The following CNTRL variants were observed in gnomAD, a reference collection of about 807,000 sequenced individuals.
The protein encoded by CNTRL is centriolin, also known as 110 kDa centrosomal protein.
In CNTRL, 233 loss-of-function variants were observed where a neutral mutation model predicts 303.7. That is an observed-to-expected ratio of 0.77 (90% CI 0.69 to 0.86). The LOEUF (loss-of-function observed/expected upper bound fraction) is 0.86, where lower values mean the gene tolerates loss of function less well. CNTRL is among the 40% of genes least tolerant of loss of function. The probability of loss-of-function intolerance (pLI) is 0.00; values close to 1 mark genes in which losing one functional copy is unlikely to be tolerated. For missense variants in CNTRL, 2,524 were observed against 2,650.6 expected (o/e 0.95, Z 1.05); for synonymous variants, 900 against 922.2 (o/e 0.98, Z 0.44).
rs1209380532 is a variant in CNTRL at position 121,092,961 on chromosome 9, G to A, written c.349-1927G>A. 2.7e-5 allele frequency among the ~76,000 whole-genome samples: 4 copies of A among 148,752 alleles called. No individual in the cohort carries two copies. In the South Asian group the frequency reaches 8.4e-4, roughly 31 times the overall value. ...AGCTGGGATTACAGGCACGTGCTAC[G>A]ACGCCCAGCTAATTTTTTTTTATCT... On this transcript the variant is annotated intron_variant, in intron 4 of 43. Coordinates refer to ENST00000373855, the MANE Select transcript of CNTRL (RefSeq NM_007018.6).
In CNTRL at chr9:121,158,851, A is replaced by G. The variant is rs894159719; in HGVS notation, c.4765-4A>G. On this transcript the variant is annotated splice_region_variant and splice_polypyrimidine_tract_variant and intron_variant, in intron 30 of 43. Transcript: ENST00000373855. Reference sequence around the variant, plus strand: ...AACTTACTCTTCCCTTTTCTTTAATACAGGTGACAAGTCAGCAGCAGGAGA... The same window carrying G: ...AACTTACTCTTCCCTTTTCTTTAATGCAGGTGACAAGTCAGCAGCAGGAGA... 1.5e-5 allele frequency: 25 copies of G among 1,613,604 alleles called. No homozygotes were observed. The highest frequency in any genetic ancestry group is 1.8e-5 in the Non-Finnish European group (21 of 1,179,814).
intron 27 of CNTRL, 26 bp downstream of exon 27, chr9:121,154,939 T>C (rs755022296): frequency 1.3e-6 from 2 of 1,599,176 alleles, no homozygotes; most frequent in South Asian, 1.1e-5. Flanking sequence ...GTTTGGGGTG[T>C]GAGCTCAGTG....
intron 8 of CNTRL, among the ~76,000 whole-genome samples, chr9:121,111,894 G>A (rs1038910275): frequency 2.0e-5 from 3 of 152,114 alleles, no homozygotes; most frequent in African/African-American, 7.2e-5. Flanking sequence ...ATCTGGTTGA[G>A]CTTATTCACA....
chr9:121,163,382 A>G lies in CNTRL; in HGVS notation c.5423+1111A>G, dbSNP rs545380329. The stretch of plus-strand genomic sequence containing the variant: ...TATTTATATATAGGACCATAAACAT[A>G]TATGTAAAACCTAAATATAAAACTT... On this transcript the variant is annotated intron_variant, in intron 34 of 43. Transcript: ENST00000373855. 4.0e-5 allele frequency among the ~76,000 whole-genome samples: 6 copies of G among 150,376 alleles called. No homozygotes were observed. In the South Asian group the frequency reaches 1.3e-3, roughly 31 times the overall value.
At position 121,164,817 on chromosome 9, in the gene CNTRL, AT is replaced by A. The variant is rs1181748547; in HGVS notation, c.5424-122del. 9.1e-6 allele frequency: 6 copies of A among 658,210 alleles called. No individual in the cohort carries two copies. The East Asian group carries it at 2.0e-4, about 22-fold the overall frequency. The allele number at this position is 658,210 out of a possible 1,614,324, so 40.8% of individuals were successfully genotyped here. A position where few individuals can be genotyped will look rare whatever the true frequency, so the allele number is the denominator to read the frequency against. ...ATTCTGAAAATGAGTTGAGTCTTAA[AT>A]TTTGTGAAGATTTATAATCATTTAT... On this transcript the variant is annotated intron_variant, in intron 34 of 43. Coordinates refer to ENST00000373855, the MANE Select transcript of CNTRL (RefSeq NM_007018.6).
chr9:121,099,436 C>G (rs1024153171), intron 7 of CNTRL, among the ~76,000 whole-genome samples: 1 of 152,098 alleles, frequency 6.6e-6, no homozygotes, highest in African/African-American at 2.4e-5. Flanking sequence ...TAGATAAAAC[C>G]ACAAAGATGG....
rs1266496007 is a variant in CNTRL at position 121,154,881 on chromosome 9, G to A, written c.4333G>A (p.Ala1445Thr). 2 of 1,614,152 alleles carry A rather than the reference G, an allele frequency of 1.2e-6. No individual in the cohort carries two copies. Among genetic ancestry groups the A allele is most frequent in the Non-Finnish European group, 8.5e-7 (1 of 1,180,000 alleles). The change falls in exon 27 of 44, where the codon GCT becomes ACT. Residue 1445 changes from alanine (A) to threonine (T), a missense_variant. By Grantham distance (58) the Ala-to-Thr change is moderately conservative. Transcript: ENST00000373855. The stretch of plus-strand genomic sequence containing the variant: ...GGAAGCTGACCGACTCCTGGCAGAG[G>A]CTGAGAGTGAACTTTCATGCACTAA... Reference protein sequence around the residue: ...LREADRLLAEAESELSCTKEK... With the variant: ...LREADRLLAETESELSCTKEK...
At chr9:121,126,682 C>T (rs966647836) in intron 14 of CNTRL, among the ~76,000 whole-genome samples, 3 of 152,116 alleles carry the variant, frequency 2.0e-5, no homozygotes, top group African/African-American at 7.2e-5. Flanking sequence ...TTCCCTGCAC[C>T]TCTATTCTTT....
At chr9:121,087,347 G>A (rs561671044) in intron 2 of CNTRL, among the ~76,000 whole-genome samples, 101 of 152,204 alleles carry the variant, frequency 6.6e-4, no homozygotes, top group African/African-American at 2.3e-3. Context: ...TATCACGTAG[G>A]CAATTGGAAA....
chr9:121,165,218 A>G, intron 35 of CNTRL, 118 bp downstream of exon 35: 1 of 1,015,602 alleles, frequency 9.8e-7, no homozygotes, highest in Non-Finnish European at 1.4e-6. Flanking sequence ...CTAAAATTAG[A>G]TTGTGGTAAT....
chr9:121,169,389 G>C (rs1449642630), intron 38 of CNTRL, among the ~76,000 whole-genome samples: 1 of 152,164 alleles, frequency 6.6e-6, no homozygotes, highest in Admixed American at 6.5e-5. Context: ...TGTCACTCTG[G>C]GATCAGGCCC....
At chr9:121,158,711 C>G (rs2052707131) in intron 30 of CNTRL, 144 bp from the exon 31 acceptor site, 1 of 739,114 alleles carries the variant, frequency 1.4e-6, no homozygotes, top group African/African-American at 1.8e-5. Context: ...GCATTTCACC[C>G]TTGCACTCCT....
chr9:121,111,378 A>T (rs753541258), intron 8 of CNTRL: 26 of 152,214 alleles, frequency 1.7e-4, no homozygotes, highest in African/African-American at 4.1e-4. Context: ...TGTCTGGCAC[A>T]CATTGAGTAT....
intron 10 of CNTRL, among the ~76,000 whole-genome samples, chr9:121,114,890 T>C (rs1207840123): frequency 1.3e-5 from 2 of 152,220 alleles, no homozygotes; most frequent in African/African-American, 2.4e-5. Flanking sequence ...CTATACCATA[T>C]AATGAAACAG....
intron 12 of CNTRL, among the ~76,000 whole-genome samples, chr9:121,123,054 T>C (rs2050318742): frequency 6.6e-6 from 1 of 152,218 alleles, no homozygotes; most frequent in Admixed American, 6.5e-5. Context: ...ATACCTCTAT[T>C]TTCTTCTAAG....
Position 121,112,560 on chromosome 9 carries a change from A to T in CNTRL, c.1104A>T (p.Leu368=). 6.2e-7 allele frequency: 1 copy of T among 1,612,538 alleles called. No individual in the cohort carries two copies. The highest frequency in any genetic ancestry group is 8.5e-7 in the Non-Finnish European group (1 of 1,178,810). ...FYKIDAKFEP[L]NYYPSEYAEI... Reference sequence around the variant, plus strand: ...AAATTGATGCTAAATTTGAGCCACTAAATTATTATCCATCAGAGGTGAGTT... The same window carrying T: ...AAATTGATGCTAAATTTGAGCCACTTAATTATTATCCATCAGAGGTGAGTT... The change falls in exon 9 of 44, where the codon CTA becomes CTT. Residue 368 remains leucine (L), a synonymous_variant. Coordinates refer to ENST00000373855, the MANE Select transcript of CNTRL (RefSeq NM_007018.6).
intron 39 of CNTRL, among the ~76,000 whole-genome samples, chr9:121,170,156 GTTTT>G (rs1445399319): frequency 7.2e-5 from 11 of 152,134 alleles, no homozygotes; most frequent in African/African-American, 2.4e-4. Context: ...CTAGACGGTT[GTTTT>G]TTAAGATGGC....
intron 27 of CNTRL, among the ~76,000 whole-genome samples, chr9:121,156,981 A>G (rs1018707326): frequency 2.6e-5 from 4 of 152,240 alleles, no homozygotes; most frequent in Non-Finnish European, 5.9e-5. Context: ...AATATTTAAA[A>G]TGATATAATA....
At chr9:121,141,670 T>A (rs1198299641) in intron 18 of CNTRL, 82 bp downstream of exon 18, 8 of 1,234,114 alleles carry the variant, frequency 6.5e-6, no homozygotes, top group Non-Finnish European at 9.3e-6. Flanking sequence ...GCTTCCTTTG[T>A]CATGTAAATA....
Sources: gnomAD v4.1 joint callset for allele counts (sites outside exome capture counted in the v4.1 genomes callset) on GRCh38, gnomAD v4.1.1 for gene constraint, MANE v1.5 for transcripts, NCBI Gene and HGNC (gene_info 2026-07-23, HGNC 2026-07-21) for gene names.